ABCD3: variants seen among roughly 807,000 people sequenced by gnomAD.
ABCD3 encodes ATP binding cassette subfamily D member 3, also known as ATP-binding cassette sub-family D member 3.
A neutral mutation model predicts 105.5 loss-of-function variants in ABCD3; 41 were observed. That is an observed-to-expected ratio of 0.39 (90% confidence interval 0.30 to 0.50). The LOEUF (loss-of-function observed/expected upper bound fraction) is 0.50, where lower values mean the gene tolerates loss of function less well. Among genes scored for constraint, ABCD3 ranks in the 20% least tolerant of loss-of-function variants. The probability of loss-of-function intolerance (pLI) is 0.84; values close to 1 mark genes in which losing one functional copy is unlikely to be tolerated. For missense variants in ABCD3, 622 were observed against 806.3 expected, an observed-to-expected ratio of 0.77 and a Z score of 2.77; for synonymous variants, 258 against 269.0, an observed-to-expected ratio of 0.96 and a Z score of 0.40.
Position 94,506,659 on chromosome 1 carries a change from TCA to T in ABCD3, c.1845+18_1845+19del. 1.5e-5 allele frequency: 23 copies of T among 1,585,772 alleles called. No individual in the cohort carries two copies. The highest frequency in any genetic ancestry group is 2.0e-5 in the Non-Finnish European group (23 of 1,154,964). ...TGTCGAAAGGTAAGTACGCAGGTGCTCAGTTTGAGGAGCCATGGCCTCCTACC... is the reference window on the plus strand; with the variant it reads ...TGTCGAAAGGTAAGTACGCAGGTGCTGTTTGAGGAGCCATGGCCTCCTACC... On this transcript the variant is annotated intron_variant, in intron 21 of 22. Coordinates refer to ENST00000370214, the MANE Select transcript of ABCD3 (RefSeq NM_002858.4).
upstream of ABCD3, among the ~76,000 whole-genome samples, chr1:94,414,696 TC>T (rs1420275084): frequency 6.6e-5 from 10 of 152,296 alleles, no homozygotes; most frequent in Admixed American, 2.0e-4. Flanking sequence ...TTCACATGCC[TC>T]CCTCAGCCTC....
the ABCD3 span, among the ~76,000 whole-genome samples, chr1:94,405,321 T>C: frequency 6.6e-6 from 1 of 151,722 alleles, no homozygotes; most frequent in Non-Finnish European, 1.5e-5. Context: ...TTTTTTTTTT[T>C]TTTTTTGAGA....
chr1:94,455,936 AT>A, intron 1 of ABCD3: 1 of 810,830 alleles, frequency 1.2e-6, no homozygotes, highest in Non-Finnish European at 1.6e-6. Flanking sequence ...TTGAATACTA[AT>A]TTTTTTATTT....
intron 21 of ABCD3, among the ~76,000 whole-genome samples, chr1:94,511,954 G>A (rs1438247110): frequency 3.3e-5 from 5 of 151,996 alleles, no homozygotes; most frequent in South Asian, 2.1e-4. Flanking sequence ...CCCGTAGCTC[G>A]GAGTAATTTG....
At chr1:94,457,060 A>G (rs1219527483) in intron 1 of ABCD3, among the ~76,000 whole-genome samples, 1 of 152,010 alleles carries the variant, frequency 6.6e-6, no homozygotes. Flanking sequence ...AGAAATGTCT[A>G]TTTGGGTCCT....
intron 1 of ABCD3, 89 bp from the exon 2 acceptor site, chr1:94,458,518 A>C: frequency 8.8e-7 from 1 of 1,141,766 alleles, no homozygotes; most frequent in Non-Finnish European, 1.3e-6. Flanking sequence ...GCTTTTAAAT[A>C]ATTTGGTATA....
In ABCD3 at chr1:94,475,124, A is replaced by C; in HGVS notation, c.406-19A>C. The C allele has an allele frequency of 1.4e-6, 2 of 1,476,690 alleles. No homozygotes were observed. The highest frequency in any genetic ancestry group is 9.4e-7 in the Non-Finnish European group (1 of 1,066,020). The allele number at this position is 1,476,690 out of a possible 1,614,324, so 91.5% of individuals were successfully genotyped here. A position where few individuals can be genotyped will look rare whatever the true frequency, so the allele number is the denominator to read the frequency against. On this transcript the variant is annotated intron_variant, in intron 5 of 22. Transcript: ENST00000370214. Reference sequence around the variant, plus strand: ...AGAAATGAAAAGCAAAACCAATAATATTTGTTTGTTTGTTTTAGATCTCTC... The same window carrying C: ...AGAAATGAAAAGCAAAACCAATAATCTTTGTTTGTTTGTTTTAGATCTCTC...
chr1:94,482,862 C>A, intron 9 of ABCD3: 1 of 350,800 alleles, frequency 2.9e-6, no homozygotes. Context: ...TTCTGTACAT[C>A]ACAGCAACTT....
At chr1:94,469,491 GT>G (rs3072753) in intron 4 of ABCD3, among the ~76,000 whole-genome samples, 1,583 of 137,260 alleles carry the variant, frequency 0.012, 22 homozygotes, top group African/African-American at 0.04. Context: ...GTGCACATTA[GT>G]TTTTTTTTTT....
chr1:94,455,979 A>G (rs1647535804), intron 1 of ABCD3, among the ~76,000 whole-genome samples: 1 of 152,080 alleles, frequency 6.6e-6, no homozygotes. Flanking sequence ...TTGTGAAATG[A>G]TTACTATTAT....
intron 8 of ABCD3, 84 bp downstream of exon 8, chr1:94,478,399 G>T (rs1378528964): frequency 4.9e-6 from 6 of 1,219,614 alleles, no homozygotes; most frequent in African/African-American, 1.5e-5. Context: ...TGGCCTGTAA[G>T]AATTTTTGTA....
rs4148048 is a variant in ABCD3, at chr1:94,475,861, A to G, written c.627+124A>G. On this transcript the variant is annotated intron_variant, in intron 7 of 22. Transcript: ENST00000370214. ...CATGTAAATATTTAATGCTTTTATA[A>G]GAAAATTAGAGTTGTTGTAATAGTT... 4.8e-3 allele frequency: 3,553 copies of G among 745,004 alleles called. 126 individuals carry two copies. The East Asian group carries it at 0.076, about 16-fold the overall frequency. 46.1% of individuals were successfully genotyped at this position (745,004 alleles called of 1,614,324 possible).
intron 10 of ABCD3, among the ~76,000 whole-genome samples, chr1:94,486,697 A>G (rs1649294459): frequency 1.3e-5 from 2 of 152,260 alleles, no homozygotes; most frequent in Admixed American, 6.5e-5. Context: ...GGAATGGCCA[A>G]GATCTTTCTT....
intron 5 of ABCD3, 67 bp downstream of exon 5, chr1:94,473,902 T>A (rs1374185926): frequency 4.8e-6 from 6 of 1,254,784 alleles, no homozygotes; most frequent in Non-Finnish European, 6.9e-6. Context: ...TCTTTAAGGG[T>A]TTTACTTATT....
At chr1:94,388,206 G>A in the ABCD3 span, among the ~76,000 whole-genome samples, 1 of 152,284 alleles carries the variant, frequency 6.6e-6, no homozygotes. Flanking sequence ...TCCCATGAAG[G>A]AATTCTTATC....
chr1:94,496,956 C>T (rs1649848767), intron 16 of ABCD3, among the ~76,000 whole-genome samples: 1 of 151,764 alleles, frequency 6.6e-6, no homozygotes, highest in Non-Finnish European at 1.5e-5. Flanking sequence ...TTAGTAGAGA[C>T]AGGGTTTTAC....
intron 12 of ABCD3, 42 bp downstream of exon 12, chr1:94,487,833 A>G: frequency 6.2e-7 from 1 of 1,610,518 alleles, no homozygotes; most frequent in Non-Finnish European, 8.5e-7. Context: ...CAGTAAAAAT[A>G]AAGCCAAATT....
chr1:94,485,664 AATC>A (rs1649244465), intron 10 of ABCD3, among the ~76,000 whole-genome samples: 1 of 152,192 alleles, frequency 6.6e-6, no homozygotes, highest in South Asian at 2.1e-4. Flanking sequence ...TTCTTGTTTT[AATC>A]ATCATCTTTC....
intron 9 of ABCD3, chr1:94,482,049 A>G (rs1649053105): frequency 6.6e-6 from 1 of 152,234 alleles, no homozygotes; most frequent in Admixed American, 6.5e-5. Context: ...TAAGGCTAAA[A>G]TGACTCAGTT....
Sources: gnomAD v4.1 joint callset for allele counts (sites outside exome capture counted in the v4.1 genomes callset) on GRCh38, gnomAD v4.1.1 for gene constraint, MANE v1.5 for transcripts, NCBI Gene and HGNC (gene_info 2026-07-23, HGNC 2026-07-21) for gene names.